Variants in ANO10 observed in about 807,000 individuals in gnomAD.
ANO10 encodes the protein anoctamin-10.
ANO10 carries 77 observed loss-of-function variants against 74.7 expected under a neutral mutation model. The observed-to-expected ratio is 1.03, with a 90% CI of 0.86 to 1.25. The LOEUF is 1.25. Ranked by LOEUF, ANO10 falls within the 50% of genes most tolerant of loss-of-function variation. ANO10 has a pLI of 0.00. For missense variants in ANO10, 721 were observed against 778.1 expected, an observed-to-expected ratio of 0.93 and a Z score of 0.87; for synonymous variants, 279 against 284.9, an observed-to-expected ratio of 0.98 and a Z score of 0.21.
intron 1 of ANO10, chr3:43,690,513 GA>G: frequency 6.4e-6 from 1 of 156,772 alleles, no homozygotes; most frequent in Non-Finnish European, 1.4e-5. Flanking sequence ...AACCCGCGGG[GA>G]AAGGCTGGCG....
At chr3:43,402,808 T>G (rs2092507470) in intron 12 of ANO10, among the ~76,000 whole-genome samples, 1 of 152,176 alleles carries the variant, frequency 6.6e-6, no homozygotes, top group Non-Finnish European at 1.5e-5. Context: ...TAAAAACAAC[T>G]GAACAGTAGA....
At chr3:43,463,694 G>A (rs1459853664) in intron 11 of ANO10, among the ~76,000 whole-genome samples, 1 of 152,212 alleles carries the variant, frequency 6.6e-6, no homozygotes, top group Admixed American at 6.5e-5. Context: ...AGACTCAGGT[G>A]GAAGGGACTT....
upstream of ANO10, among the ~76,000 whole-genome samples, chr3:43,624,198 A>G (rs761329552): frequency 6.6e-6 from 1 of 152,186 alleles, no homozygotes; most frequent in Non-Finnish European, 1.5e-5. Flanking sequence ...CCACATTTCA[A>G]TACCCCCACT....
chr3:43,534,459 T>G (rs991861323), intron 11 of ANO10, among the ~76,000 whole-genome samples: 2 of 147,734 alleles, frequency 1.4e-5, no homozygotes, highest in Non-Finnish European at 3.0e-5. Context: ...TGTGTGTGCA[T>G]GTGAACGTGC....
chr3:43,677,760 C>T (rs2084142168), intron 1 of ANO10, among the ~76,000 whole-genome samples: 1 of 152,218 alleles, frequency 6.6e-6, no homozygotes, highest in South Asian at 2.1e-4. Context: ...GGCTTCCTTA[C>T]AGCATGGTGG....
intron 1 of ANO10, among the ~76,000 whole-genome samples, chr3:43,655,725 T>C (rs1311655344): frequency 2.7e-4 from 41 of 151,504 alleles, no homozygotes; most frequent in African/African-American, 6.5e-4. Flanking sequence ...GATAGAGTGT[T>C]GATTGGTGCA....
At chr3:43,452,961 C>T (rs564775743) in intron 11 of ANO10, among the ~76,000 whole-genome samples, 77 of 152,322 alleles carry the variant, frequency 5.1e-4, no homozygotes, top group African/African-American at 1.8e-3. Context: ...CATGTGCTTG[C>T]TGGCCACTTA....
rs532646833 is a variant in ANO10 at position 43,577,719 on chromosome 3, C to T, written c.593-458G>A. On this transcript the variant is annotated intron_variant, in intron 5 of 12. Coordinates refer to ENST00000292246, the MANE Select transcript of ANO10 (RefSeq NM_018075.5). The stretch of plus-strand genomic sequence containing the variant: ...TCCCCATCCACAAAATTCTGCTCTT[C>T]CCTACCCAGAGACATAAACTTTCAT... Among the ~76,000 whole-genome samples, 6 of 152,302 alleles carry T rather than the reference C, an allele frequency of 3.9e-5. No individual in the cohort carries two copies. The South Asian group carries it at 1.2e-3, about 32-fold the overall frequency.
At chr3:43,673,678 A>T (rs1484619860) in intron 1 of ANO10, among the ~76,000 whole-genome samples, 7 of 152,218 alleles carry the variant, frequency 4.6e-5, no homozygotes, top group African/African-American at 1.2e-4. Context: ...ATCTTTTTTA[A>T]AAAAACACTG....
rs555377567 is a variant in ANO10, at chr3:43,416,611, C to T, written c.1914+16000G>A. On this transcript the variant is annotated intron_variant, in intron 12 of 12. Coordinates refer to ENST00000292246, the MANE Select transcript of ANO10 (RefSeq NM_018075.5). Reference sequence around the variant, plus strand: ...AGCAGGTCTGGTATTCTGCTTTTTGCTCTCCCACTACTTACTTGTGAGGCC... The same window carrying T: ...AGCAGGTCTGGTATTCTGCTTTTTGTTCTCCCACTACTTACTTGTGAGGCC... 1.2e-4 allele frequency among the ~76,000 whole-genome samples: 18 copies of T among 152,292 alleles called. No homozygotes were observed. In the South Asian group the frequency reaches 3.3e-3, roughly 28 times the overall value.
At chr3:43,612,220 T>C (rs2082869331) in intron 1 of ANO10, among the ~76,000 whole-genome samples, 1 of 146,600 alleles carries the variant, frequency 6.8e-6, no homozygotes, top group African/African-American at 2.5e-5. Context: ...TTGCCTTCTT[T>C]CTGTATTATT....
At chr3:43,569,012 C>T (rs1434458800) in intron 7 of ANO10, among the ~76,000 whole-genome samples, 89 of 117,966 alleles carry the variant, frequency 7.5e-4, no homozygotes, top group Admixed American at 1.8e-3. Context: ...ATATCACCAC[C>T]GATCCCACAG....
chr3:43,555,571 T>A, intron 9 of ANO10, 102 bp from the exon 10 acceptor site: 2 of 1,187,954 alleles, frequency 1.7e-6, no homozygotes, highest in Non-Finnish European at 2.4e-6. Flanking sequence ...CAAAAAAACC[T>A]CAAAGAGTTT....
At chr3:43,463,966 G>A (rs2075500811) in intron 11 of ANO10, among the ~76,000 whole-genome samples, 1 of 152,178 alleles carries the variant, frequency 6.6e-6, no homozygotes, top group African/African-American at 2.4e-5. Context: ...GTGATAGTGA[G>A]TAAGTCTCAT....
At chr3:43,469,485 T>C (rs2075766834) in intron 11 of ANO10, among the ~76,000 whole-genome samples, 1 of 152,202 alleles carries the variant, frequency 6.6e-6, no homozygotes, top group African/African-American at 2.4e-5. Context: ...TCTTTTATAA[T>C]ATTCCAGGTC....
At chr3:43,530,788 CAG>C (rs1164552702) in intron 11 of ANO10, among the ~76,000 whole-genome samples, 1 of 152,088 alleles carries the variant, frequency 6.6e-6, no homozygotes, top group Admixed American at 6.6e-5. Flanking sequence ...TAAGAAAAAA[CAG>C]TGTATACAGG....
intron 1 of ANO10, among the ~76,000 whole-genome samples, chr3:43,682,882 A>C (rs1313316092): frequency 6.6e-6 from 1 of 152,082 alleles, no homozygotes; most frequent in South Asian, 2.1e-4. Flanking sequence ...ATTCAACAAC[A>C]CTTCATGCTA....
At chr3:43,565,983 G>C (rs920528090) in intron 7 of ANO10, among the ~76,000 whole-genome samples, 3 of 152,252 alleles carry the variant, frequency 2.0e-5, no homozygotes, top group East Asian at 1.9e-4. Flanking sequence ...TGCGCGCACC[G>C]TGTGCGAGCC....
chr3:43,484,254 T>C (rs567430247), intron 11 of ANO10, among the ~76,000 whole-genome samples: 1 of 152,252 alleles, frequency 6.6e-6, no homozygotes, highest in African/African-American at 2.4e-5. Context: ...GCTGGGATTA[T>C]GGGTGTGAGC....
Sources: allele counts gnomAD v4.1 joint callset (sites outside exome capture counted in the v4.1 genomes callset), GRCh38; gene constraint gnomAD v4.1.1; transcripts MANE v1.5; gene names NCBI Gene and HGNC (gene_info 2026-07-23, HGNC 2026-07-21).